Variants in DNM3 observed in about 807,000 individuals in gnomAD.
DNM3 encodes dynamin 3.
A neutral mutation model predicts 101.6 loss-of-function variants in DNM3; 47 were observed. The observed-to-expected ratio is 0.46, with a 90% CI of 0.37 to 0.59. DNM3 has a LOEUF of 0.59. DNM3 is among the 20% of genes least tolerant of loss of function. The pLI is 0.00. For missense variants in DNM3, 849 were observed against 1,085.7 expected, an observed-to-expected ratio of 0.78 and a Z score of 3.06; for synonymous variants, 385 against 387.9, an observed-to-expected ratio of 0.99 and a Z score of 0.09.
chr1:172,087,478 A>G (rs1041393881), intron 12 of DNM3, among the ~76,000 whole-genome samples: 1 of 152,124 alleles, frequency 6.6e-6, no homozygotes, highest in Non-Finnish European at 1.5e-5. Context: ...CTACTTATAT[A>G]TCCTAGAGAA....
At chr1:172,301,861 C>A (rs1178168488) in intron 15 of DNM3, among the ~76,000 whole-genome samples, 1 of 152,074 alleles carries the variant, frequency 6.6e-6, no homozygotes, top group Non-Finnish European at 1.5e-5. Context: ...CCTCAACTAT[C>A]TGAAAAATAG....
In DNM3 at chr1:172,260,108, G is replaced by T. The variant is rs184563765; in HGVS notation, c.1769+6426G>T. 1.2e-3 allele frequency among the ~76,000 whole-genome samples: 185 copies of T among 152,068 alleles called. 2 individuals carry two copies. The highest frequency in any genetic ancestry group is 4.4e-3 in the African/African-American group (183 of 41,510). On this transcript the variant is annotated intron_variant, in intron 15 of 20. Coordinates refer to ENST00000627582, the MANE Select transcript of DNM3 (RefSeq NM_015569.5). The stretch of plus-strand genomic sequence containing the variant: ...AATTTTGCTGGGCATAATATTTTTG[G>T]CTAGCACATTTTTTCTTTTGGCACT...
At chr1:171,925,394 AT>A (rs920087319) in intron 2 of DNM3, among the ~76,000 whole-genome samples, 1 of 149,820 alleles carries the variant, frequency 6.7e-6, no homozygotes. Context: ...CACCTGGCTA[AT>A]TTTTTTTTGT....
intron 4 of DNM3, among the ~76,000 whole-genome samples, chr1:172,023,075 T>C (rs921123367): frequency 2.0e-5 from 3 of 152,172 alleles, no homozygotes; most frequent in Admixed American, 6.5e-5. Context: ...CAATCTCCCC[T>C]ACAGAAGTCT....
chr1:172,145,415 T>TCTCCTTCTCTCTCTCC (rs2057837014), intron 14 of DNM3, among the ~76,000 whole-genome samples: 1 of 147,110 alleles, frequency 6.8e-6, no homozygotes, highest in Non-Finnish European at 1.5e-5. Context: ...TCTCTCTTTC[T>TCTCCTTCTCTCTCTCC]CTCCTTCTCT....
chr1:172,290,772 G>A (rs897834220), intron 15 of DNM3, among the ~76,000 whole-genome samples: 2 of 152,054 alleles, frequency 1.3e-5, no homozygotes, highest in Non-Finnish European at 2.9e-5. Context: ...GATATGAAAG[G>A]CCACCATACT....
intron 10 of DNM3, among the ~76,000 whole-genome samples, chr1:172,067,783 G>C (rs987679995): frequency 7.9e-5 from 12 of 152,088 alleles, no homozygotes; most frequent in Non-Finnish European, 1.6e-4. Context: ...TTAAGTGATT[G>C]ACATACACAA....
At chr1:172,174,541 A>C (rs897453539) in intron 14 of DNM3, among the ~76,000 whole-genome samples, 34 of 151,704 alleles carry the variant, frequency 2.2e-4, no homozygotes, top group Admixed American at 6.6e-5. Context: ...TTGTTGATTT[A>C]TCTTCCTTGG....
At chr1:172,088,725 GTTTGC>G (rs1483818659) in intron 12 of DNM3, among the ~76,000 whole-genome samples, 1 of 152,088 alleles carries the variant, frequency 6.6e-6, no homozygotes, top group Non-Finnish European at 1.5e-5. Flanking sequence ...TTCTTTTCAA[GTTTGC>G]TACAAACAGT....
intron 17 of DNM3, chr1:172,376,704 A>G (rs968060795): frequency 2.6e-5 from 4 of 152,084 alleles, no homozygotes; most frequent in Admixed American, 2.6e-4. Flanking sequence ...CCACTGTATT[A>G]TCAGAATAGT....
intron 13 of DNM3, among the ~76,000 whole-genome samples, chr1:172,111,894 A>C (rs992581038): frequency 6.6e-6 from 1 of 152,284 alleles, no homozygotes; most frequent in East Asian, 1.9e-4. Context: ...CATTGACTAC[A>C]AAGGTGTCAC....
At chr1:172,083,010 T>C (rs1283996036) in intron 12 of DNM3, among the ~76,000 whole-genome samples, 1 of 152,250 alleles carries the variant, frequency 6.6e-6, no homozygotes, top group Non-Finnish European at 1.5e-5. Context: ...GATAAATATG[T>C]GCCCTAGTCT....
At chr1:172,073,223 A>G (rs115575053) in intron 11 of DNM3, among the ~76,000 whole-genome samples, 1,816 of 152,048 alleles carry the variant, frequency 0.012, 19 homozygotes, top group Non-Finnish European at 0.021. Context: ...GTATGTATGT[A>G]TATATGTGTG....
chr1:172,034,491 G>GT (rs2048825044), intron 6 of DNM3, among the ~76,000 whole-genome samples: 1 of 152,026 alleles, frequency 6.6e-6, no homozygotes, highest in Non-Finnish European at 1.5e-5. Flanking sequence ...AATGAGTTAG[G>GT]TTTTGAATAC....
chr1:171,871,447 A>G (rs1372144662), intron 1 of DNM3, among the ~76,000 whole-genome samples: 1 of 152,220 alleles, frequency 6.6e-6, no homozygotes, highest in Admixed American at 6.5e-5. Context: ...TCCAGCCCAG[A>G]TAATTTCACC....
chr1:172,393,047 C>T (rs2069662072), intron 20 of DNM3: 1 of 152,242 alleles, frequency 6.6e-6, no homozygotes, highest in Non-Finnish European at 1.5e-5. Flanking sequence ...ATGCCCATCC[C>T]ATGACTTAGG....
At chr1:172,287,324 C>A (rs568565661) in intron 15 of DNM3, among the ~76,000 whole-genome samples, 1 of 152,228 alleles carries the variant, frequency 6.6e-6, no homozygotes, top group East Asian at 1.9e-4. Flanking sequence ...TTCTTTATGA[C>A]CTTTTTCACC....
rs77434069 is a variant in DNM3 at position 172,405,995 on chromosome 1, A to C, written c.2523-1777A>C. ...TTAGTTATTTCTTGATTCTAGGAGG[A>C]ACTTTCATTCATTCAGTTATCAAAC... On this transcript the variant is annotated intron_variant, in intron 20 of 20. Coordinates refer to ENST00000627582, the MANE Select transcript of DNM3 (RefSeq NM_015569.5). Among the ~76,000 whole-genome samples the C allele has an allele frequency of 5.7e-3, 872 of 151,990 alleles. 8 individuals carry two copies. Among genetic ancestry groups the C allele is most frequent in the African/African-American group, 0.02 (839 of 41,494 alleles).
intron 14 of DNM3, among the ~76,000 whole-genome samples, chr1:172,177,288 C>T (rs608156): frequency 0.24 from 35,761 of 151,478 alleles, 7,011 homozygotes; most frequent in African/African-American, 0.54. Flanking sequence ...ACCACATTCA[C>T]GTAACTTGTA....
Sources: gnomAD v4.1 joint callset for allele counts (sites outside exome capture counted in the v4.1 genomes callset) on GRCh38, gnomAD v4.1.1 for gene constraint, MANE v1.5 for transcripts, NCBI Gene and HGNC (gene_info 2026-07-23, HGNC 2026-07-21) for gene names.